The following GRM8 variants were observed in gnomAD, a reference collection of about 807,000 sequenced individuals.
The protein encoded by GRM8 is metabotropic glutamate receptor 8.
Under a neutral mutation model 87.2 loss-of-function variants are expected in GRM8, and 47 were observed. The observed-to-expected ratio is 0.54, with a 90% CI of 0.43 to 0.69. The LOEUF is 0.69. GRM8 is among the 30% of genes least tolerant of loss of function. GRM8 has a pLI of 0.00. For missense variants in GRM8, 1,019 were observed against 1,139.2 expected, an observed-to-expected ratio of 0.89 and a Z score of 1.52; for synonymous variants, 396 against 404.5, an observed-to-expected ratio of 0.98 and a Z score of 0.25.
chr7:126,742,875 A>G (rs929217715), intron 7 of GRM8, among the ~76,000 whole-genome samples: 4 of 152,094 alleles, frequency 2.6e-5, no homozygotes, highest in African/African-American at 4.8e-5. Flanking sequence ...ATAATTGCCT[A>G]TTTATAAGGC....
chr7:126,783,458 T>G (rs1038226815), intron 6 of GRM8, among the ~76,000 whole-genome samples: 3 of 152,180 alleles, frequency 2.0e-5, no homozygotes, highest in Non-Finnish European at 2.9e-5. Context: ...TCAAACAAAC[T>G]AAATCTATAC....
chr7:126,913,142 G>A (rs1273226328), intron 3 of GRM8, among the ~76,000 whole-genome samples: 1 of 152,156 alleles, frequency 6.6e-6, no homozygotes, highest in Non-Finnish European at 1.5e-5. Context: ...CAACTGTGAT[G>A]GAAATTGAGG....
chr7:126,666,546 G>A (rs1805785647), intron 7 of GRM8, among the ~76,000 whole-genome samples: 1 of 152,036 alleles, frequency 6.6e-6, no homozygotes, highest in African/African-American at 2.4e-5. Context: ...ACATTAAGAG[G>A]CTGATGTATC....
chr7:127,076,954 T>C (rs1442235634), intron 3 of GRM8, among the ~76,000 whole-genome samples: 1 of 152,178 alleles, frequency 6.6e-6, no homozygotes, highest in Non-Finnish European at 1.5e-5. Context: ...TCCAGAGAGA[T>C]GGAATGACTT....
At chr7:126,769,314 T>C (rs1318267069) in intron 7 of GRM8, among the ~76,000 whole-genome samples, 1 of 152,110 alleles carries the variant, frequency 6.6e-6, no homozygotes, top group Non-Finnish European at 1.5e-5. Context: ...TTTCTGCTTT[T>C]ACAGTATAAA....
intron 7 of GRM8, among the ~76,000 whole-genome samples, chr7:126,677,393 C>A (rs888805839): frequency 6.7e-6 from 1 of 149,366 alleles, no homozygotes; most frequent in African/African-American, 2.4e-5. Context: ...CAAAAAGACA[C>A]CTGCACGCAT....
chr7:126,443,084 C>A (rs1023521726), intron 10 of GRM8, among the ~76,000 whole-genome samples: 1 of 151,944 alleles, frequency 6.6e-6, no homozygotes, highest in Non-Finnish European at 1.5e-5. Flanking sequence ...AAATTAATTT[C>A]CTTGTGTGCA....
chr7:126,886,053 G>T (rs1374115456), intron 6 of GRM8, among the ~76,000 whole-genome samples: 4 of 152,112 alleles, frequency 2.6e-5, no homozygotes, highest in Admixed American at 2.6e-4. Context: ...AGGTAACTGT[G>T]CAGGTACAAT....
intron 3 of GRM8, among the ~76,000 whole-genome samples, chr7:126,947,575 T>C (rs573536288): frequency 6.4e-4 from 98 of 151,968 alleles, no homozygotes; most frequent in African/African-American, 2.1e-3. Context: ...TATGTATGTG[T>C]ATATATATAC....
chr7:126,480,254 G>A (rs1022718854), intron 9 of GRM8, among the ~76,000 whole-genome samples: 5 of 152,078 alleles, frequency 3.3e-5, no homozygotes, highest in South Asian at 2.1e-4. Flanking sequence ...GTGTGGGGGC[G>A]CACGCCTGTA....
intron 2 of GRM8, among the ~76,000 whole-genome samples, chr7:127,108,786 T>A (rs17867764): frequency 6.6e-6 from 1 of 152,144 alleles, no homozygotes; most frequent in African/African-American, 2.4e-5. Context: ...AGATAGAAGA[T>A]GGTTGTTTGA....
intron 3 of GRM8, among the ~76,000 whole-genome samples, chr7:127,059,314 T>C (rs918445756): frequency 1.3e-5 from 2 of 149,976 alleles, no homozygotes; most frequent in Non-Finnish European, 3.0e-5. Context: ...TTGGTTCATA[T>C]AAATTTTTTT....
chr7:126,554,351 G>T (rs1469711468), intron 8 of GRM8, among the ~76,000 whole-genome samples: 1 of 151,864 alleles, frequency 6.6e-6, no homozygotes, highest in African/African-American at 2.4e-5. Context: ...AGGCTGAGGT[G>T]GGCAGACAGC....
chr7:126,804,962 C>G (rs1792509730), intron 6 of GRM8, among the ~76,000 whole-genome samples: 2 of 152,194 alleles, frequency 1.3e-5, no homozygotes. Context: ...AAATTTCTTG[C>G]CCAGACTGTG....
In GRM8 at chr7:126,655,499, G is replaced by GTC. The variant is rs955375533; in HGVS notation, c.1358-46003_1358-46002dup. Among the ~76,000 whole-genome samples, 70 of 149,074 alleles carry GTC rather than the reference G, an allele frequency of 4.7e-4. 1 individual carries two copies. Among genetic ancestry groups the GTC allele is most frequent in the Non-Finnish European group, 7.9e-4 (53 of 66,744 alleles). On this transcript the variant is annotated intron_variant, in intron 7 of 10. Coordinates refer to ENST00000339582, the MANE Select transcript of GRM8 (RefSeq NM_000845.3). Reference sequence around the variant, plus strand: ...TCTCTCTCTCTCTCTCTCTGTTGCTGTCTCTCTCTCTCAGTCTCAGTATCT... The same window carrying GTC: ...TCTCTCTCTCTCTCTCTCTGTTGCTGTCTCTCTCTCTCTCAGTCTCAGTATCT...
intron 6 of GRM8, among the ~76,000 whole-genome samples, chr7:126,775,066 A>G (rs1404044943): frequency 6.6e-6 from 1 of 152,148 alleles, no homozygotes; most frequent in African/African-American, 2.4e-5. Flanking sequence ...TCTTACAACC[A>G]TCTCAGCTTG....
intron 3 of GRM8, among the ~76,000 whole-genome samples, chr7:127,047,394 T>A (rs921169473): frequency 4.6e-5 from 7 of 152,202 alleles, no homozygotes; most frequent in African/African-American, 1.7e-4. Context: ...CAAAGAGTTT[T>A]AAGTTTTTTT....
At chr7:126,471,136 G>A (rs1204300643) in intron 9 of GRM8, among the ~76,000 whole-genome samples, 2 of 151,634 alleles carry the variant, frequency 1.3e-5, no homozygotes, top group East Asian at 1.9e-4. Context: ...CCCATTTTGT[G>A]GGTTGCCTGT....
chr7:126,646,674 C>G (rs1211988420), intron 7 of GRM8, among the ~76,000 whole-genome samples: 2 of 152,168 alleles, frequency 1.3e-5, no homozygotes, highest in African/African-American at 4.8e-5. Context: ...CTGGATTTAT[C>G]TATAAACTTT....
Sources: allele counts gnomAD v4.1 joint callset (sites outside exome capture counted in the v4.1 genomes callset), GRCh38; gene constraint gnomAD v4.1.1; transcripts MANE v1.5; gene names NCBI Gene and HGNC (gene_info 2026-07-23, HGNC 2026-07-21).